NPAS3: variants seen among roughly 807,000 people sequenced by gnomAD.
NPAS3 encodes the protein neuronal PAS domain-containing protein 3.
In NPAS3, 14 loss-of-function variants were observed where a neutral mutation model predicts 73.1. That is an observed-to-expected ratio of 0.19 (90% CI 0.13 to 0.30). The LOEUF is 0.30. Ranked by LOEUF, NPAS3 falls within the 10% of genes least tolerant of loss-of-function variation. The probability of loss-of-function intolerance (pLI) is 1.00; values close to 1 mark genes in which losing one functional copy is unlikely to be tolerated. For missense variants in NPAS3, 1,096 were observed against 1,250.0 expected (o/e 0.88, Z 1.86); for synonymous variants, 620 against 541.5 (o/e 1.14, Z -2.01).
At chr14:33,334,286 A>C (rs2044117035) in intron 3 of NPAS3, among the ~76,000 whole-genome samples, 1 of 152,150 alleles carries the variant, frequency 6.6e-6, no homozygotes, top group African/African-American at 2.4e-5. Flanking sequence ...GAAAATTTTT[A>C]GTAAATTTAT....
Position 33,771,090 on chromosome 14 carries a change from C to T in NPAS3, c.853-3247C>T, listed in dbSNP as rs75152667. The stretch of plus-strand genomic sequence containing the variant: ...CATCTTGACAATATTCTTTTCTGTA[C>T]ATCTCAGGCCTTAAAGGCAACTATA... On this transcript the variant is annotated intron_variant, in intron 7 of 11. Coordinates refer to ENST00000356141, the Ensembl canonical transcript of NPAS3. Among the ~76,000 whole-genome samples the T allele has an allele frequency of 2.4e-4, 36 of 152,270 alleles. 1 individual carries two copies. The East Asian group carries it at 6.9e-3, about 29-fold the overall frequency.
intron 4 of NPAS3, among the ~76,000 whole-genome samples, chr14:33,372,486 GC>G (rs1229789300): frequency 6.6e-6 from 1 of 152,136 alleles, no homozygotes; most frequent in Non-Finnish European, 1.5e-5. Context: ...GTATTACAAA[GC>G]CAATTTTCAA....
intron 4 of NPAS3, among the ~76,000 whole-genome samples, chr14:33,533,736 A>C (rs538131468): frequency 6.6e-6 from 1 of 152,154 alleles, no homozygotes; most frequent in Non-Finnish European, 1.5e-5. Flanking sequence ...ATTTACAAAA[A>C]AGAAAATCAC....
intron 6 of NPAS3, among the ~76,000 whole-genome samples, chr14:33,706,120 T>G (rs987225169): frequency 6.6e-6 from 1 of 152,206 alleles, no homozygotes; most frequent in Admixed American, 6.5e-5. Flanking sequence ...GGGAGAGCCA[T>G]CAGTACATAA....
chr14:33,433,441 C>T (rs989126204), intron 4 of NPAS3, among the ~76,000 whole-genome samples: 1 of 152,132 alleles, frequency 6.6e-6, no homozygotes, highest in Non-Finnish European at 1.5e-5. Context: ...ATTATTTAAC[C>T]TCATCTCCAG....
intron 3 of NPAS3, among the ~76,000 whole-genome samples, chr14:33,335,502 A>G (rs1229919946): frequency 6.6e-6 from 1 of 152,182 alleles, no homozygotes. Flanking sequence ...AAGGTTCCTG[A>G]AAGTTGCATC....
intron 4 of NPAS3, among the ~76,000 whole-genome samples, chr14:33,534,967 T>A (rs770626339): frequency 4.6e-5 from 7 of 152,150 alleles, no homozygotes; most frequent in Non-Finnish European, 8.8e-5. Context: ...ATGCTCATCA[T>A]AAGAGGAACA....
At chr14:33,597,166 C>A (rs931726386) in intron 5 of NPAS3, among the ~76,000 whole-genome samples, 1 of 152,316 alleles carries the variant, frequency 6.6e-6, no homozygotes, top group Non-Finnish European at 1.5e-5. Flanking sequence ...TCTTTCTCTT[C>A]CCCTTCACTA....
intron 6 of NPAS3, among the ~76,000 whole-genome samples, chr14:33,717,230 CAAAAA>C (rs35800734): frequency 1.4e-4 from 14 of 102,216 alleles, no homozygotes; most frequent in African/African-American, 4.0e-4. Context: ...TGATCATGGC[CAAAAA>C]AAAAAAAAAA....
intron 3 of NPAS3, among the ~76,000 whole-genome samples, chr14:33,346,046 T>A (rs12893660): frequency 0.41 from 61,701 of 150,964 alleles, 12,909 homozygotes; most frequent in East Asian, 0.6. Flanking sequence ...GCCTGGCCAA[T>A]ATGGTGAAAC....
intron 4 of NPAS3, among the ~76,000 whole-genome samples, chr14:33,401,199 A>C (rs1297154203): frequency 1.3e-5 from 2 of 152,174 alleles, no homozygotes; most frequent in African/African-American, 2.4e-5. Flanking sequence ...AAAGCTGATA[A>C]GTCTGAAAAT....
intron 3 of NPAS3, among the ~76,000 whole-genome samples, chr14:33,240,859 C>A (rs926582341): frequency 5.3e-5 from 8 of 151,804 alleles, no homozygotes; most frequent in African/African-American, 1.9e-4. Flanking sequence ...TAGGTTTGGC[C>A]TCTGCAGCCT....
At chr14:33,774,226 T>C in intron 7 of NPAS3, 111 bp from the exon 8 acceptor site, 1 of 762,812 alleles carries the variant, frequency 1.3e-6, no homozygotes, top group Non-Finnish European at 2.1e-6. Context: ...TTACAGAAGA[T>C]ACAAGCTAAT....
intron 3 of NPAS3, among the ~76,000 whole-genome samples, chr14:33,290,004 A>G (rs1281543164): frequency 6.6e-6 from 1 of 152,000 alleles, no homozygotes; most frequent in Non-Finnish European, 1.5e-5. Flanking sequence ...CTTTTTAGGG[A>G]GGTGGAGTTA....
chr14:33,123,416 G>C (rs769957346), intron 2 of NPAS3, among the ~76,000 whole-genome samples: 1 of 152,060 alleles, frequency 6.6e-6, no homozygotes, highest in African/African-American at 2.4e-5. Flanking sequence ...TGGTAACACA[G>C]GATAATTATT....
In NPAS3 at chr14:33,746,900, C is replaced by T. The variant is rs1375864243; in HGVS notation, c.852+11568C>T. ...CCAATGCTATCCCTCCCCCGTCCCC[C>T]CACCCCACCACAGTCCCCAGAGTGT... is the stretch of plus-strand genomic sequence containing the variant. On this transcript the variant is annotated intron_variant, in intron 7 of 11. Coordinates refer to ENST00000356141, the Ensembl canonical transcript of NPAS3. Among the ~76,000 whole-genome samples, 12 of 147,902 alleles carry T rather than the reference C, an allele frequency of 8.1e-5. No homozygotes were observed. The East Asian group carries it at 1.4e-3, about 17-fold the overall frequency.
chr14:33,215,474 T>A, intron 3 of NPAS3, 48 bp downstream of exon 3: 2 of 1,597,358 alleles, frequency 1.3e-6, no homozygotes, highest in East Asian at 4.5e-5. Context: ...TCTGTAGGGG[T>A]CTGTAAGACA....
intron 4 of NPAS3, among the ~76,000 whole-genome samples, chr14:33,384,993 T>G (rs1447724122): frequency 6.6e-6 from 1 of 152,056 alleles, no homozygotes; most frequent in Non-Finnish European, 1.5e-5. Context: ...GGTAGAAGGT[T>G]TTCGCTTTAG....
At chr14:33,266,877 TA>T (rs538226145) in intron 3 of NPAS3, among the ~76,000 whole-genome samples, 143 of 152,312 alleles carry the variant, frequency 9.4e-4, no homozygotes, top group African/African-American at 3.2e-3. Context: ...GCTTTAGAGA[TA>T]AATATCAAAG....
Sources: gnomAD v4.1 joint callset for allele counts (sites outside exome capture counted in the v4.1 genomes callset) on GRCh38, gnomAD v4.1.1 for gene constraint, MANE v1.5 for transcripts, NCBI Gene and HGNC (gene_info 2026-07-23, HGNC 2026-07-21) for gene names.